ZNF600: variants seen among roughly 807,000 people sequenced by gnomAD.
ZNF600 encodes the protein zinc finger protein 600.
A neutral mutation model predicts 7.3 loss-of-function variants in ZNF600; 4 were observed. The observed-to-expected ratio is 0.55, with a 90% CI of 0.27 to 1.25. ZNF600 has a LOEUF of 1.25. ZNF600 is among the 50% of genes most tolerant of loss of function. The probability of loss-of-function intolerance (pLI) is 0.12; values close to 1 mark genes in which losing one functional copy is unlikely to be tolerated. For missense variants in ZNF600, 911 were observed against 922.1 expected (o/e 0.99, Z 0.16); for synonymous variants, 290 against 308.9 (o/e 0.94, Z 0.64).
the ZNF600 span, among the ~76,000 whole-genome samples, chr19:52,792,444 CCAGCA>C: frequency 6.6e-6 from 1 of 152,068 alleles, no homozygotes; most frequent in Non-Finnish European, 1.5e-5. Context: ...AAAGAAGGAC[CCAGCA>C]CAGTGGTTCA....
At chr19:52,776,593 G>T (rs2062677386) in intron 2 of ZNF600, among the ~76,000 whole-genome samples, 1 of 151,972 alleles carries the variant, frequency 6.6e-6, no homozygotes, top group African/African-American at 2.4e-5. Flanking sequence ...TGTATATTTA[G>T]CAGAGACAGG....
chr19:52,775,163 C>T (rs1325676754), intron 2 of ZNF600, among the ~76,000 whole-genome samples: 1 of 152,032 alleles, frequency 6.6e-6, no homozygotes, highest in Non-Finnish European at 1.5e-5. Flanking sequence ...TCACTTGAAC[C>T]CAGGAGATGG....
the ZNF600 span, chr19:52,814,250 A>T: frequency 6.8e-6 from 1 of 146,018 alleles, no homozygotes; most frequent in Non-Finnish European, 1.5e-5. Context: ...ACCACCAAAC[A>T]AATATACACA....
upstream of ZNF600, among the ~76,000 whole-genome samples, chr19:52,788,382 T>G (rs1282149599): frequency 2.0e-5 from 3 of 152,116 alleles, no homozygotes; most frequent in African/African-American, 7.2e-5. Context: ...CCTCTTGGTG[T>G]CTTCCTCACG....
At chr19:52,765,563 G>A (rs1320169603) in exon 4 of ZNF600, 1 of 1,613,570 alleles carries the variant, frequency 6.2e-7, no homozygotes, top group Admixed American at 1.7e-5. Flanking sequence ...TAGCGTTACT[G>A]AAGACTTTGT....
the ZNF600 span, among the ~76,000 whole-genome samples, chr19:52,821,917 A>G: frequency 1.3e-4 from 14 of 110,934 alleles, no homozygotes; most frequent in African/African-American, 4.7e-4. Flanking sequence ...AAAAAATAAA[A>G]AAATAAAAAA....
chr19:52,786,103 C>T (rs970412741), intron 1 of ZNF600, among the ~76,000 whole-genome samples: 1 of 152,060 alleles, frequency 6.6e-6, no homozygotes, highest in African/African-American at 2.4e-5. Context: ...TAATCACAGG[C>T]GGGTTTGGAG....
At chr19:52,800,208 G>A in the ZNF600 span, 10 of 1,613,200 alleles carry the variant, frequency 6.2e-6, no homozygotes, top group Non-Finnish European at 7.6e-6. Context: ...TTTCTCTGCA[G>A]TATGAAGTTT....
intron 3 of ZNF600, among the ~76,000 whole-genome samples, chr19:52,772,051 T>C (rs1325046077): frequency 6.6e-6 from 1 of 152,216 alleles, no homozygotes; most frequent in Non-Finnish European, 1.5e-5. Flanking sequence ...TATGAAGCCA[T>C]CTAATAGTAT....
At chr19:52,819,330 TACAG>T in the ZNF600 span, among the ~76,000 whole-genome samples, 2 of 144,352 alleles carry the variant, frequency 1.4e-5, no homozygotes, top group South Asian at 2.3e-4. Context: ...GATATTCTAA[TACAG>T]ACAAAGTCCT....
chr19:52,770,984 C>T (rs2062625753), intron 3 of ZNF600, among the ~76,000 whole-genome samples: 2 of 152,072 alleles, frequency 1.3e-5, no homozygotes, highest in African/African-American at 2.4e-5. Flanking sequence ...CAGGCATGTG[C>T]AATCATGCCT....
chr19:52,801,007 A>G, the ZNF600 span: 1 of 1,614,192 alleles, frequency 6.2e-7, no homozygotes, highest in African/African-American at 1.3e-5. Context: ...TTGTGACCAA[A>G]GATCTTGCCA....
At chr19:52,767,687 T>A in exon 4 of ZNF600, 1 of 1,614,046 alleles carries the variant, frequency 6.2e-7, no homozygotes, top group Non-Finnish European at 8.5e-7. Context: ...AACTTTGATA[T>A]CTTTGCAATG....
the ZNF600 span, among the ~76,000 whole-genome samples, chr19:52,812,320 G>A: frequency 5.2e-4 from 74 of 141,774 alleles, no homozygotes; most frequent in African/African-American, 2.1e-3. Flanking sequence ...TTGTGGAATA[G>A]AAAGGCGGGA....
chr19:52,821,329 G>C, the ZNF600 span, among the ~76,000 whole-genome samples: 1 of 152,146 alleles, frequency 6.6e-6, no homozygotes, highest in Non-Finnish European at 1.5e-5. Flanking sequence ...TCAAAAAAAG[G>C]TTTTGAGCAG....
At chr19:52,809,474 T>C in the ZNF600 span, among the ~76,000 whole-genome samples, 1 of 152,050 alleles carries the variant, frequency 6.6e-6, no homozygotes, top group African/African-American at 2.4e-5. Context: ...TGGCGTCTAC[T>C]TGAGGGTGGA....
At chr19:52,793,764 CCACACACACACACACA>C in the ZNF600 span, among the ~76,000 whole-genome samples, 898 of 138,820 alleles carry the variant, frequency 6.5e-3, 9 homozygotes, top group African/African-American at 0.023. Flanking sequence ...CCAAACTCTG[CCACACACACACACACA>C]CACACACACA....
At chr19:52,770,597 G>A (rs1413518316) in intron 3 of ZNF600, among the ~76,000 whole-genome samples, 1 of 151,818 alleles carries the variant, frequency 6.6e-6, no homozygotes, top group Non-Finnish European at 1.5e-5. Flanking sequence ...AACATAGAAT[G>A]TGTACTGGGA....
intron 3 of ZNF600, among the ~76,000 whole-genome samples, chr19:52,771,023 T>C (rs540383859): frequency 1.8e-3 from 272 of 152,116 alleles, no homozygotes; most frequent in African/African-American, 6.0e-3. Flanking sequence ...AGTAGAGACA[T>C]GGTTTCTCCA....
Sources: gnomAD v4.1 joint callset for allele counts (sites outside exome capture counted in the v4.1 genomes callset) on GRCh38, gnomAD v4.1.1 for gene constraint, MANE v1.5 for transcripts, NCBI Gene and HGNC (gene_info 2026-07-23, HGNC 2026-07-21) for gene names.